Variants in DLG2 observed in about 807,000 individuals in gnomAD.
DLG2 encodes the protein disks large homolog 2.
In DLG2, 45 loss-of-function variants were observed where a neutral mutation model predicts 132.5. That is an observed-to-expected ratio of 0.34 (90% CI 0.27 to 0.44). The LOEUF is 0.44. DLG2 is among the 20% of genes least tolerant of loss of function. The pLI, the probability that DLG2 is intolerant of heterozygous loss-of-function variation, is 1.00. For synonymous variants in DLG2, 424 were observed against 419.6 expected, an observed-to-expected ratio of 1.01 and a Z score of -0.13; for missense variants, 1,045 against 1,196.9, an observed-to-expected ratio of 0.87 and a Z score of 1.87.
chr11:85,311,373 G>A (rs1294738623), intron 3 of DLG2, among the ~76,000 whole-genome samples: 2 of 152,098 alleles, frequency 1.3e-5, no homozygotes, highest in Non-Finnish European at 2.9e-5. Flanking sequence ...GCTGTTATCA[G>A]CCTTATTTAC....
intron 3 of DLG2, among the ~76,000 whole-genome samples, chr11:85,323,687 T>C (rs573706176): frequency 6.6e-6 from 1 of 152,368 alleles, no homozygotes; most frequent in South Asian, 2.1e-4. Context: ...CTAATAAGCA[T>C]CATACTACTC....
At chr11:85,205,692 C>G (rs956855239) in intron 4 of DLG2, among the ~76,000 whole-genome samples, 2 of 152,100 alleles carry the variant, frequency 1.3e-5, no homozygotes, top group Non-Finnish European at 2.9e-5. Flanking sequence ...TTTGAAAAAT[C>G]TAAAACATAA....
In DLG2 at chr11:84,273,306, GAAAAA is replaced by G. The variant is rs752762450; in HGVS notation, c.520-22020_520-22016del. 611 of 788,184 alleles carry G rather than the reference GAAAAA, an allele frequency of 7.8e-4. 3 individuals carry two copies. In the East Asian group the frequency reaches 1.0e-2, roughly 13 times the overall value. 48.8% of individuals were successfully genotyped at this position (788,184 alleles called of 1,614,324 possible). ...GAGCTCACAGAACCCAGTTGAAGAG[GAAAAA>G]AAAAAAAAAAAAAAAAAACCCTGCA... is the stretch of plus-strand genomic sequence containing the variant. On this transcript the variant is annotated intron_variant, in intron 7 of 27. Coordinates refer to ENST00000376104, the MANE Select transcript of DLG2 (RefSeq NM_001142699.3).
At chr11:83,742,167 T>C (rs1390107767) in intron 18 of DLG2, among the ~76,000 whole-genome samples, 1 of 151,824 alleles carries the variant, frequency 6.6e-6, no homozygotes, top group East Asian at 1.9e-4. Flanking sequence ...TATTGTATTG[T>C]ATAATGGAAA....
chr11:84,739,795 G>A (rs147621374), intron 6 of DLG2, among the ~76,000 whole-genome samples: 3 of 152,176 alleles, frequency 2.0e-5, no homozygotes, highest in Admixed American at 1.3e-4. Flanking sequence ...CAATATAGTA[G>A]TATGCAAAAC....
At chr11:84,491,266 G>C (rs1477699376) in intron 7 of DLG2, among the ~76,000 whole-genome samples, 1 of 152,136 alleles carries the variant, frequency 6.6e-6, no homozygotes, top group Non-Finnish European at 1.5e-5. Context: ...TTCTCGTGCT[G>C]TTCTCTTGAC....
At chr11:84,290,712 A>G (rs2097981248) in intron 7 of DLG2, among the ~76,000 whole-genome samples, 1 of 152,136 alleles carries the variant, frequency 6.6e-6, no homozygotes, top group African/African-American at 2.4e-5. Flanking sequence ...TAGGGTCTTA[A>G]AGCTTGCTAT....
At position 85,099,051 on chromosome 11, in the gene DLG2, T is replaced by C. The variant is rs529084076; in HGVS notation, c.357+12610A>G. On this transcript the variant is annotated intron_variant, in intron 6 of 27. Transcript: ENST00000376104. ...CTGCCTGCTGCCAAACAGGACCTCCTTGAGGAGCTACAGCAACTAATGTTC... is the reference window on the plus strand; with the variant it reads ...CTGCCTGCTGCCAAACAGGACCTCCCTGAGGAGCTACAGCAACTAATGTTC... Among the ~76,000 whole-genome samples, 3 of 152,326 alleles carry C rather than the reference T, an allele frequency of 2.0e-5. No individual in the cohort carries two copies. In the East Asian group the frequency reaches 5.8e-4, roughly 29 times the overall value.
chr11:83,697,497 A>G (rs1309764963), intron 18 of DLG2, among the ~76,000 whole-genome samples: 3 of 152,190 alleles, frequency 2.0e-5, no homozygotes, highest in Non-Finnish European at 2.9e-5. Context: ...CATTTGGTTG[A>G]CCACACTTAG....
chr11:83,703,275 A>G (rs370226343), intron 18 of DLG2, among the ~76,000 whole-genome samples: 12 of 152,254 alleles, frequency 7.9e-5, no homozygotes, highest in African/African-American at 2.9e-4. Context: ...AGTGACAAAG[A>G]AACAAAATGG....
At chr11:84,739,198 T>C (rs928898947) in intron 6 of DLG2, among the ~76,000 whole-genome samples, 3 of 152,200 alleles carry the variant, frequency 2.0e-5, no homozygotes, top group African/African-American at 7.2e-5. Context: ...TTTTATTATA[T>C]GTAAATTCAA....
intron 7 of DLG2, among the ~76,000 whole-genome samples, chr11:84,502,093 T>C (rs2099208202): frequency 6.6e-6 from 1 of 151,042 alleles, no homozygotes; most frequent in Non-Finnish European, 1.5e-5. Flanking sequence ...CCTTCCTTCC[T>C]TTCTTTCTCA....
chr11:84,544,790 G>C (rs1344070357), intron 6 of DLG2, among the ~76,000 whole-genome samples: 1 of 152,074 alleles, frequency 6.6e-6, no homozygotes, highest in Non-Finnish European at 1.5e-5. Flanking sequence ...CCTTTGGCTT[G>C]GAGTCTCAAG....
chr11:84,732,239 TG>T (rs1382032260), intron 6 of DLG2, among the ~76,000 whole-genome samples: 2 of 152,134 alleles, frequency 1.3e-5, no homozygotes, highest in African/African-American at 4.8e-5. Context: ...TACGAATATC[TG>T]TGCATAAGTC....
chr11:83,959,520 T>C (rs1457805707), intron 14 of DLG2, among the ~76,000 whole-genome samples: 2 of 152,152 alleles, frequency 1.3e-5, no homozygotes, highest in Non-Finnish European at 2.9e-5. Context: ...CATAAGCACC[T>C]AAATGAACTT....
At chr11:83,789,315 T>C (rs1321432393) in intron 17 of DLG2, among the ~76,000 whole-genome samples, 1 of 126,634 alleles carries the variant, frequency 7.9e-6, no homozygotes, top group Non-Finnish European at 1.6e-5. Flanking sequence ...TAAAAAGACA[T>C]AGCAATTTCC....
intron 9 of DLG2, among the ~76,000 whole-genome samples, chr11:84,160,646 G>A (rs567263978): frequency 6.6e-6 from 1 of 152,254 alleles, no homozygotes; most frequent in South Asian, 2.1e-4. Flanking sequence ...AAGATATACT[G>A]TGCCTGAGTT....
intron 7 of DLG2, among the ~76,000 whole-genome samples, chr11:84,393,603 T>C (rs990016094): frequency 6.6e-6 from 1 of 152,212 alleles, no homozygotes. Context: ...GTAGCAGTAG[T>C]TTCAATAATG....
At chr11:83,539,122 T>C (rs1444916513) in intron 20 of DLG2, among the ~76,000 whole-genome samples, 3 of 152,310 alleles carry the variant, frequency 2.0e-5, no homozygotes, top group Admixed American at 6.5e-5. Flanking sequence ...AAATTAATAA[T>C]TGTAAAGGGC....
Sources: gnomAD v4.1 joint callset for allele counts (sites outside exome capture counted in the v4.1 genomes callset) on GRCh38, gnomAD v4.1.1 for gene constraint, MANE v1.5 for transcripts, NCBI Gene and HGNC (gene_info 2026-07-23, HGNC 2026-07-21) for gene names.